Variants in APPL1 observed in about 807,000 individuals in gnomAD.
The protein encoded by APPL1 is adaptor protein, phosphotyrosine interacting with PH domain and leucine zipper 1.
A neutral mutation model predicts 106.8 loss-of-function variants in APPL1; 42 were observed. That is an observed-to-expected ratio of 0.39 (90% confidence interval 0.31 to 0.51). APPL1 has a LOEUF of 0.51. Ranked by LOEUF, APPL1 falls within the 20% of genes least tolerant of loss-of-function variation. The pLI is 0.75. For synonymous variants in APPL1, 263 were observed against 281.8 expected, an observed-to-expected ratio of 0.93 and a Z score of 0.67; for missense variants, 769 against 858.2, an observed-to-expected ratio of 0.90 and a Z score of 1.30.
At chr3:57,245,987 C>T (rs2060771584) in intron 7 of APPL1, 89 bp from the exon 8 acceptor site, 1 of 915,692 alleles carries the variant, frequency 1.1e-6, no homozygotes, top group East Asian at 3.1e-5. Context: ...TGGGTAGGCT[C>T]TTCTCCACAG....
intron 18 of APPL1, 175 bp from the exon 19 acceptor site, chr3:57,260,453 G>C: frequency 1.7e-6 from 1 of 594,096 alleles, no homozygotes; most frequent in Non-Finnish European, 2.6e-6. Context: ...TTTTCTGCTT[G>C]TTAATTCAAA....
chr3:57,240,447 TG>T lies in APPL1; in HGVS notation c.286-16del. 6.2e-7 allele frequency: 1 copy of T among 1,607,364 alleles called. No individual in the cohort carries two copies. ...TCTGTGTATAGTTATTTGGCCTTTT[TG>T]GTCTTTCTTTTTCTAGCTTAGCTCT... On this transcript the variant is annotated splice_polypyrimidine_tract_variant and intron_variant, in intron 4 of 21. Transcript: ENST00000288266.
intron 11 of APPL1, among the ~76,000 whole-genome samples, chr3:57,250,429 C>T (rs2060797301): frequency 6.6e-6 from 1 of 152,138 alleles, no homozygotes; most frequent in South Asian, 2.1e-4. Context: ...CATGAGCCAG[C>T]ATGTCCAGGC....
intron 8 of APPL1, among the ~76,000 whole-genome samples, chr3:57,246,425 CA>C (rs1559509548): frequency 6.6e-6 from 1 of 152,098 alleles, no homozygotes; most frequent in East Asian, 1.9e-4. Flanking sequence ...ATGAAGATTT[CA>C]AATATTTTAG....
rs933955189 is a variant in APPL1, at chr3:57,228,786, C to T, written c.54+849C>T. Among the ~76,000 whole-genome samples, 4 of 152,162 alleles carry T rather than the reference C, an allele frequency of 2.6e-5. No homozygotes were observed. The highest frequency in any genetic ancestry group is 5.9e-5 in the Non-Finnish European group (4 of 68,022). On this transcript the variant is annotated intron_variant, in intron 1 of 21. Transcript: ENST00000288266. The surrounding 1 kb of genome is among the most constrained non-coding windows in gnomAD (Gnocchi z 4.6). ...CATAGGGAAAACTTCATCTCTAAGC[C>T]GTTTTACACGATAATTTAAACGGTT...
chr3:57,264,182 C>G (rs2060882831), intron 19 of APPL1, among the ~76,000 whole-genome samples: 1 of 152,128 alleles, frequency 6.6e-6, no homozygotes, highest in East Asian at 1.9e-4. Flanking sequence ...TGTATGTCTT[C>G]TTTTGAAAAA....
chr3:57,249,378 A>T lies in APPL1; in HGVS notation c.882A>T (p.Ser294=). 1 of 1,614,182 alleles carries T rather than the reference A, an allele frequency of 6.2e-7. No homozygotes were observed. The change falls in exon 11 of 22, where the codon TCA becomes TCT. Residue 294 remains serine (S), a synonymous_variant. Transcript: ENST00000288266. Reference sequence around the variant, plus strand: ...CATTCAGTAAAACAGGCTTGGTGTCATCTACCTGGGACAGACAGTTTTACT... The same window carrying T: ...CATTCAGTAAAACAGGCTTGGTGTCTTCTACCTGGGACAGACAGTTTTACT... ...LNARNKTGLV[S]STWDRQFYFT... is the part of the protein sequence containing the mutation.
chr3:57,241,479 AT>A (rs1172217750), intron 5 of APPL1, among the ~76,000 whole-genome samples: 4 of 152,252 alleles, frequency 2.6e-5, no homozygotes, highest in Non-Finnish European at 5.9e-5. Flanking sequence ...GATTAAAAAT[AT>A]TGAACTAATG....
rs10510791 is a variant in APPL1, at chr3:57,260,057, C to G, written c.1658+38C>G. On this transcript the variant is annotated intron_variant, in intron 17 of 21. Transcript: ENST00000288266. ...CTCCCTTAAAAAACTGTAGAAAAAACATTTACATGATTTCAGCCTAATTAA... is the reference window on the plus strand; with the variant it reads ...CTCCCTTAAAAAACTGTAGAAAAAAGATTTACATGATTTCAGCCTAATTAA... 0.41 allele frequency: 653,769 copies of G among 1,605,404 alleles called. 142,145 individuals are homozygous for G. Among genetic ancestry groups the G allele is most frequent in the East Asian group, 0.86 (38,320 of 44,716 alleles).
At chr3:57,265,076 A>G (rs1340586860) in intron 19 of APPL1, among the ~76,000 whole-genome samples, 1 of 152,068 alleles carries the variant, frequency 6.6e-6, no homozygotes, top group Non-Finnish European at 1.5e-5. Flanking sequence ...CTTCCAATCC[A>G]TGAACGTGGA....
chr3:57,251,059 G>A (rs1387147515), intron 11 of APPL1, among the ~76,000 whole-genome samples: 9 of 148,116 alleles, frequency 6.1e-5, no homozygotes, highest in South Asian at 2.1e-4. Flanking sequence ...CGCCCGCCTC[G>A]GCCTCCCAAA....
chr3:57,236,703 G>C (rs929666690), intron 2 of APPL1, among the ~76,000 whole-genome samples: 2 of 152,188 alleles, frequency 1.3e-5, no homozygotes, highest in African/African-American at 4.8e-5. Context: ...CTAAAAATTA[G>C]ATGTACCTCT....
chr3:57,261,263 A>T (rs1369877671), intron 19 of APPL1, among the ~76,000 whole-genome samples: 1 of 152,212 alleles, frequency 6.6e-6, no homozygotes, highest in Non-Finnish European at 1.5e-5. Flanking sequence ...TTCTAGTTCC[A>T]TCCACGTTGT....
intron 1 of APPL1, among the ~76,000 whole-genome samples, chr3:57,229,239 T>C (rs1440203291): frequency 6.6e-6 from 1 of 152,216 alleles, no homozygotes; most frequent in Non-Finnish European, 1.5e-5. Context: ...TGCAAAAAGT[T>C]TGTGGAATTG....
At chr3:57,229,902 C>T (rs112184845) in intron 1 of APPL1, among the ~76,000 whole-genome samples, 62 of 151,910 alleles carry the variant, frequency 4.1e-4, no homozygotes, top group African/African-American at 1.5e-3. Context: ...TTTGTAGAGA[C>T]GGGGTTTTGC....
chr3:57,262,441 G>A (rs900658175), intron 19 of APPL1, among the ~76,000 whole-genome samples: 8 of 107,982 alleles, frequency 7.4e-5, no homozygotes, highest in African/African-American at 2.9e-4. Flanking sequence ...TGCCCAGGCT[G>A]GAGTGCAGTG....
At chr3:57,265,671 A>G (rs879341061) in intron 19 of APPL1, among the ~76,000 whole-genome samples, 1 of 151,976 alleles carries the variant, frequency 6.6e-6, no homozygotes, top group Non-Finnish European at 1.5e-5. Context: ...GTTTTTCTAA[A>G]TATAAGATCA....
In APPL1 at chr3:57,267,773, T is replaced by A; in HGVS notation, c.1874T>A (p.Ile625Lys). 1 of 1,613,924 alleles carries A rather than the reference T, an allele frequency of 6.2e-7. No individual in the cohort carries two copies. Residue 625 changes from isoleucine (I) to lysine (K), a missense_variant, in exon 20 of 22, where the codon ATA becomes AAA. Physicochemically the swap from Ile to Lys is moderately radical, Grantham distance 102. Coordinates refer to ENST00000288266, the MANE Select transcript of APPL1 (RefSeq NM_012096.3). Reference protein sequence around the residue: ...ICDSVGLAKQIALHAELDRRA... With the variant: ...ICDSVGLAKQKALHAELDRRA... ...GATTCTGTTGGACTGGCAAAACAGA[T>A]AGCTTTGCATGCTGAACTGGTAAGA...
In APPL1 at chr3:57,273,173, T is replaced by G. The variant is rs1312414142; in HGVS notation, c.*3486T>G. ...ACTGGGGGTTAAGTTGTAACTAATATGCAAAATTGCTTTGTATATTTGGTG... is the reference window on the plus strand; with the variant it reads ...ACTGGGGGTTAAGTTGTAACTAATAGGCAAAATTGCTTTGTATATTTGGTG... On this transcript the variant is annotated 3_prime_UTR_variant, in exon 22 of 22. Transcript: ENST00000288266. The G allele has an allele frequency of 6.5e-6, 1 of 152,696 alleles. No individual in the cohort carries two copies. Among genetic ancestry groups the G allele is most frequent in the Non-Finnish European group, 1.5e-5 (1 of 68,042 alleles). The allele number at this position is 152,696 out of a possible 1,614,324, so 9.5% of individuals were successfully genotyped here. A position where few individuals can be genotyped will look rare whatever the true frequency, so the allele number is the denominator to read the frequency against.
Sources: allele counts gnomAD v4.1 joint callset (sites outside exome capture counted in the v4.1 genomes callset), GRCh38; gene constraint gnomAD v4.1.1; non-coding constraint Gnocchi (gnomAD v3.1); transcripts MANE v1.5; gene names NCBI Gene and HGNC (gene_info 2026-07-23, HGNC 2026-07-21).